HACD3: variants seen among roughly 807,000 people sequenced by gnomAD.
HACD3 encodes the protein very-long-chain (3R)-3-hydroxyacyl-CoA dehydratase 3.
A neutral mutation model predicts 55.2 loss-of-function variants in HACD3; 30 were observed. The ratio of observed to expected loss-of-function variants is 0.54; its 90% CI spans 0.41 to 0.74. The LOEUF (loss-of-function observed/expected upper bound fraction) is 0.74, where lower values mean the gene tolerates loss of function less well. Ranked by LOEUF, HACD3 falls within the 30% of genes least tolerant of loss-of-function variation. The pLI, the probability that HACD3 is intolerant of heterozygous loss-of-function variation, is 0.00. For synonymous variants in HACD3, 141 were observed against 151.7 expected, an observed-to-expected ratio of 0.93 and a Z score of 0.52; for missense variants, 363 against 440.1, an observed-to-expected ratio of 0.82 and a Z score of 1.57.
chr15:65,550,832 G>A (rs796829785), intron 1 of HACD3: 1 of 152,378 alleles, frequency 6.6e-6, no homozygotes, highest in African/African-American at 2.4e-5. Flanking sequence ...CTGGGAAGGA[G>A]CTGCCTCTTG....
intron 1 of HACD3, among the ~76,000 whole-genome samples, chr15:65,545,643 A>G (rs2072068927): frequency 2.0e-5 from 3 of 150,594 alleles, no homozygotes; most frequent in East Asian, 1.9e-4. Context: ...TTTAGTAGAG[A>G]CAGGGTTTCA....
At chr15:65,537,944 AAAAAAAAAAAAAAAATATAT>A (rs1195655280) in intron 1 of HACD3, among the ~76,000 whole-genome samples, 4 of 23,908 alleles carry the variant, frequency 1.7e-4, no homozygotes, top group Admixed American at 4.5e-4. Flanking sequence ...GAAAAAAAAA[AAAAAAAAAAAAAAAATATAT>A]ATATATATAT....
At chr15:65,562,915 C>T (rs968152551) in intron 6 of HACD3, 31 bp downstream of exon 6, 1 of 1,608,734 alleles carries the variant, frequency 6.2e-7, no homozygotes, top group Non-Finnish European at 8.5e-7. Context: ...TTAATTTTCC[C>T]TTTCTCAGTA....
chr15:65,536,364 T>G (rs1225368493), intron 1 of HACD3, among the ~76,000 whole-genome samples: 1 of 152,148 alleles, frequency 6.6e-6, no homozygotes, highest in Non-Finnish European at 1.5e-5. Context: ...AATCGATAAA[T>G]GTATGTGTTC....
At chr15:65,543,732 AAAAG>A (rs1212024248) in intron 1 of HACD3, among the ~76,000 whole-genome samples, 2 of 152,216 alleles carry the variant, frequency 1.3e-5, no homozygotes, top group African/African-American at 4.8e-5. Flanking sequence ...CTGTGCCAGA[AAAAG>A]AACAGTATCC....
chr15:65,547,597 T>C (rs1479659367), intron 1 of HACD3, among the ~76,000 whole-genome samples: 2 of 152,260 alleles, frequency 1.3e-5, no homozygotes, highest in African/African-American at 4.8e-5. Flanking sequence ...AGTTTCTAGA[T>C]AGATGCCAGC....
intron 8 of HACD3, among the ~76,000 whole-genome samples, chr15:65,570,414 G>A (rs1422121849): frequency 2.6e-5 from 4 of 152,172 alleles, no homozygotes; most frequent in Non-Finnish European, 5.9e-5. Flanking sequence ...CTGGATACTA[G>A]GGAGCAGAAG....
At chr15:65,559,375 A>T (rs1438305484) in intron 5 of HACD3, among the ~76,000 whole-genome samples, 1 of 152,030 alleles carries the variant, frequency 6.6e-6, no homozygotes, top group Non-Finnish European at 1.5e-5. Context: ...AAAAGGGCTT[A>T]CATTCTTAGT....
In HACD3 at chr15:65,576,850, T is replaced by G. The variant is rs2072406586; in HGVS notation, c.*471T>G. 1 of 155,018 alleles carries G rather than the reference T, an allele frequency of 6.5e-6. No individual in the cohort carries two copies. The highest frequency in any genetic ancestry group is 2.4e-5 in the African/African-American group (1 of 41,462). The allele number at this position is 155,018 out of a possible 1,614,324, so 9.6% of individuals were successfully genotyped here. A position where few individuals can be genotyped will look rare whatever the true frequency, so the allele number is the denominator to read the frequency against. On this transcript the variant is annotated 3_prime_UTR_variant, in exon 11 of 11. Transcript: ENST00000261875. The stretch of plus-strand genomic sequence containing the variant: ...ATTCTGTACCTAAGGGGTTACTTGT[T>G]TAATGGGATGGCATTGACTTTTTGA...
rs185959382 is a variant in HACD3, at chr15:65,577,871, C to G, written c.*1492C>G. 6.6e-6 allele frequency: 1 copy of G among 152,636 alleles called. No homozygotes were observed. Among genetic ancestry groups the G allele is most frequent in the Non-Finnish European group, 1.5e-5 (1 of 68,042 alleles). 9.5% of individuals were successfully genotyped at this position (152,636 alleles called of 1,614,324 possible). On this transcript the variant is annotated 3_prime_UTR_variant, in exon 11 of 11. Transcript: ENST00000261875. ...AAGGAGAACTGAAAATTTAGACATA[C>G]AGTTGGCCATTGTAAAAAACATCAG...
chr15:65,547,521 A>G (rs1336790464), intron 1 of HACD3, among the ~76,000 whole-genome samples: 4 of 152,214 alleles, frequency 2.6e-5, no homozygotes, highest in African/African-American at 4.8e-5. Flanking sequence ...CATAAATCAC[A>G]TTGTTTGTAG....
intron 10 of HACD3, chr15:65,574,358 C>T (rs959493171): frequency 6.6e-6 from 1 of 152,194 alleles, no homozygotes; most frequent in Non-Finnish European, 1.5e-5. Context: ...ATGGCTTCCC[C>T]CAAAGCAATT....
At chr15:65,559,490 C>G (rs2072225114) in intron 5 of HACD3, among the ~76,000 whole-genome samples, 1 of 150,308 alleles carries the variant, frequency 6.7e-6, no homozygotes, top group Non-Finnish European at 1.5e-5. Flanking sequence ...TGGTACTTAT[C>G]TAGCATGCCA....
At chr15:65,555,051 G>C (rs1195233209) in intron 3 of HACD3, 91 bp downstream of exon 3, 1 of 1,053,858 alleles carries the variant, frequency 9.5e-7, no homozygotes, top group African/African-American at 1.6e-5. Flanking sequence ...GTGGAGAGAA[G>C]AAGATAAAAA....
chr15:65,563,003 TC>T, intron 6 of HACD3, 119 bp downstream of exon 6: 1 of 1,436,882 alleles, frequency 7.0e-7, no homozygotes, highest in Non-Finnish European at 9.3e-7. Context: ...TGCAGCACCC[TC>T]TACTTTTCGT....
intron 10 of HACD3, among the ~76,000 whole-genome samples, chr15:65,572,893 C>T (rs1014225734): frequency 1.5e-5 from 2 of 137,790 alleles, no homozygotes; most frequent in Non-Finnish European, 3.0e-5. Context: ...CCACCCTGGG[C>T]GACAGAGCGG....
At chr15:65,544,248 A>G (rs1271117165) in intron 1 of HACD3, among the ~76,000 whole-genome samples, 3 of 152,116 alleles carry the variant, frequency 2.0e-5, no homozygotes, top group Non-Finnish European at 2.9e-5. Flanking sequence ...TAGACCAGAG[A>G]GGGTACAGGC....
intron 1 of HACD3, among the ~76,000 whole-genome samples, chr15:65,537,932 C>CCCCCCCCCCCCCCCCCCCA (rs2071972079): frequency 2.9e-5 from 1 of 33,908 alleles, no homozygotes; most frequent in Admixed American, 4.9e-4. Context: ...GCCAACTTCT[C>CCCCCCCCCCCCCCCCCCCA]AGAAAAAAAA....
chr15:65,534,050 CAAAA>C (rs11298076), intron 1 of HACD3, among the ~76,000 whole-genome samples: 5 of 136,846 alleles, frequency 3.7e-5, no homozygotes, highest in Non-Finnish European at 1.6e-5. Context: ...GACTCCGTCT[CAAAA>C]AAAAAAAAAA....
Sources: allele counts gnomAD v4.1 joint callset (sites outside exome capture counted in the v4.1 genomes callset), GRCh38; gene constraint gnomAD v4.1.1; transcripts MANE v1.5; gene names NCBI Gene and HGNC (gene_info 2026-07-23, HGNC 2026-07-21).